Variants in CCDC197 observed in about 807,000 individuals in gnomAD.
The protein encoded by CCDC197 is uncharacterized protein CCDC197.
In CCDC197, 24 loss-of-function variants were observed where a neutral mutation model predicts 13.4. The observed-to-expected ratio is 1.80, with a 90% CI of 1.30 to 2.53. The LOEUF (loss-of-function observed/expected upper bound fraction) is 2.53. Ranked by LOEUF, CCDC197 falls within the 30% of genes most tolerant of loss-of-function variation. The pLI is 0.00. For synonymous variants in CCDC197, 99 were observed against 55.5 expected (o/e 1.78, Z -3.48); for missense variants, 255 against 148.8 (o/e 1.71, Z -3.71).
Position 93,998,182 on chromosome 14 carries a change from C to A in CCDC197, c.51C>A (p.Asp17Glu), listed in dbSNP as rs200003694. ...GAGCTGACCCAAGCAATCCTGGTGA[C>A]AAGGAAGGGGACCTTCAAGGGCTGT... is the stretch of plus-strand genomic sequence containing the variant. Reference protein sequence around the residue: ...GQRADPSNPGDKEGDLQGLWQ... With the variant: ...GQRADPSNPGEKEGDLQGLWQ... The change falls in exon 2 of 7, where the codon GAC becomes GAA. Residue 17 changes from aspartate (D) to glutamate (E), a missense_variant. Asp to Glu is a conservative substitution (Grantham distance 45). Coordinates refer to ENST00000636493, the MANE Select transcript of CCDC197 (RefSeq NM_001351596.2). 45 of 780,714 alleles carry A rather than the reference C, an allele frequency of 5.8e-5. No homozygotes were observed. Among genetic ancestry groups the A allele is most frequent in the Non-Finnish European group, 1.0e-4 (43 of 418,130 alleles). The allele number at this position is 780,714 out of a possible 1,614,324, so 48.4% of individuals were successfully genotyped here. A position where few individuals can be genotyped will look rare whatever the true frequency, so the allele number is the denominator to read the frequency against.
chr14:94,000,625 G>A (rs1393354863), intron 3 of CCDC197, among the ~76,000 whole-genome samples: 2 of 152,064 alleles, frequency 1.3e-5, no homozygotes, highest in Non-Finnish European at 2.9e-5. Flanking sequence ...GGAGGCTGGG[G>A]ATATATACTG....
chr14:94,009,260 A>T (rs1368817789), downstream of CCDC197, among the ~76,000 whole-genome samples: 1 of 152,140 alleles, frequency 6.6e-6, no homozygotes, highest in Non-Finnish European at 1.5e-5. Context: ...TGCAGAGCTA[A>T]TGGGGGTGCT....
chr14:94,002,034 G>A (rs1890529898), intron 4 of CCDC197, among the ~76,000 whole-genome samples: 1 of 152,214 alleles, frequency 6.6e-6, no homozygotes, highest in Non-Finnish European at 1.5e-5. Flanking sequence ...GATGGGCTGG[G>A]CACTGCGTGA....
chr14:93,988,458 A>G (rs1890143434), intron 1 of CCDC197, among the ~76,000 whole-genome samples: 1 of 45,416 alleles, frequency 2.2e-5, no homozygotes, highest in Non-Finnish European at 4.0e-5. Flanking sequence ...AGGAGATGGG[A>G]GGAGGGGATG....
At position 94,001,718 on chromosome 14, in the gene CCDC197, T is replaced by G. The variant is rs550050243; in HGVS notation, c.366+395T>G. ...TGCGAGGCACCAAACACAAACTGCC[T>G]CAAAGTAAGTGCCAGAGACATCATT... On this transcript the variant is annotated intron_variant, in intron 4 of 6. Transcript: ENST00000636493. 3.6e-5 allele frequency: 6 copies of G among 164,634 alleles called. No homozygotes were observed. The Admixed American group carries it at 3.8e-4, about 11-fold the overall frequency. 10.2% of individuals were successfully genotyped at this position (164,634 alleles called of 1,614,324 possible). A position where few individuals can be genotyped will look rare whatever the true frequency, so the allele number is the denominator to read the frequency against.
downstream of CCDC197, among the ~76,000 whole-genome samples, chr14:94,009,790 A>G (rs1229536206): frequency 1.3e-5 from 2 of 152,156 alleles, no homozygotes; most frequent in East Asian, 3.8e-4. Context: ...CTGACATTCT[A>G]GGTCAAGTTT....
rs1890605167 is a variant in CCDC197 at position 94,003,811 on chromosome 14, C to T, written c.498+457C>T. On this transcript the variant is annotated intron_variant, in intron 5 of 6. Coordinates refer to ENST00000636493, the MANE Select transcript of CCDC197 (RefSeq NM_001351596.2). The surrounding 1 kb of genome is among the most constrained non-coding windows in gnomAD (Gnocchi z 5.0). ...CGATGTTACTTCACAGATGGGAAAA[C>T]TGAGGCCACAGATATTTCAGGACAG... Among the ~76,000 whole-genome samples the T allele has an allele frequency of 6.6e-6, 1 of 152,184 alleles. No individual in the cohort carries two copies. Among genetic ancestry groups the T allele is most frequent in the Admixed American group, 6.5e-5 (1 of 15,288 alleles).
At chr14:94,001,064 C>T in intron 3 of CCDC197, 81 bp from the exon 4 acceptor site, 1 of 651,910 alleles carries the variant, frequency 1.5e-6, no homozygotes, top group South Asian at 1.8e-5. Flanking sequence ...TTTGTGGCCC[C>T]AGCTGGAATT....
chr14:94,002,247 C>CCT (rs1345497640), intron 4 of CCDC197, among the ~76,000 whole-genome samples: 1 of 151,562 alleles, frequency 6.6e-6, no homozygotes, highest in East Asian at 1.9e-4. Context: ...TCTTTCTTTC[C>CCT]CTCTCTCTCT....
Position 93,998,004 on chromosome 14 carries a change from G to T in CCDC197, c.-128G>T. 2 of 652,368 alleles carry T rather than the reference G, an allele frequency of 3.1e-6. No homozygotes were observed. 40.4% of individuals were successfully genotyped at this position (652,368 alleles called of 1,614,324 possible). On this transcript the variant is annotated 5_prime_UTR_variant, in exon 2 of 7. Transcript: ENST00000636493. Reference sequence around the variant, plus strand: ...TCTGTCTCCTTTTCTGTGAGGTGGGGATGCTAACCCTGGCTTCCAAGGATC... The same window carrying T: ...TCTGTCTCCTTTTCTGTGAGGTGGGTATGCTAACCCTGGCTTCCAAGGATC...
chr14:94,005,101 AT>A (rs1267709210), intron 6 of CCDC197, 130 bp downstream of exon 6: 1 of 606,506 alleles, frequency 1.6e-6, no homozygotes, highest in Admixed American at 2.7e-5. Flanking sequence ...CCATAGCTAC[AT>A]TGGTGCCTGG....
chr14:93,997,119 C>G (rs1310002995), upstream of CCDC197: 1 of 152,300 alleles, frequency 6.6e-6, no homozygotes, highest in African/African-American at 2.4e-5. Flanking sequence ...TGCCAGTGCC[C>G]TTTCTCCCCA....
intron 6 of CCDC197, among the ~76,000 whole-genome samples, chr14:94,005,669 T>C (rs1160666505): frequency 1.3e-5 from 2 of 152,266 alleles, no homozygotes; most frequent in Non-Finnish European, 1.5e-5. Flanking sequence ...GTTTTCAGTA[T>C]AGTCAAAATT....
At chr14:94,010,542 G>A (rs1017273550), downstream of CCDC197, among the ~76,000 whole-genome samples, 6 of 152,208 alleles carry the variant, frequency 3.9e-5, no homozygotes, top group Non-Finnish European at 7.4e-5. Flanking sequence ...GGAGGGAGCC[G>A]CTGTTCCGAG....
chr14:94,006,156 C>T (rs541981995), intron 6 of CCDC197, among the ~76,000 whole-genome samples: 1 of 152,288 alleles, frequency 6.6e-6, no homozygotes, highest in African/African-American at 2.4e-5. Context: ...ACATCCTTGC[C>T]AACATTTGCT....
At chr14:93,988,025 T>G (rs1595345537) in intron 1 of CCDC197, among the ~76,000 whole-genome samples, 3 of 62,380 alleles carry the variant, frequency 4.8e-5, no homozygotes, top group Non-Finnish European at 6.0e-5. Flanking sequence ...AGAGGAGGGG[T>G]GAGGCCAGAG....
intron 2 of CCDC197, 70 bp downstream of exon 2, chr14:93,998,305 T>A: frequency 1.4e-6 from 1 of 736,500 alleles, no homozygotes; most frequent in Non-Finnish European, 2.5e-6. Context: ...TGGCTGGACT[T>A]AGCAAACATG....
upstream of CCDC197, among the ~76,000 whole-genome samples, chr14:93,995,735 C>T (rs891341090): frequency 1.3e-5 from 2 of 152,074 alleles, no homozygotes; most frequent in South Asian, 2.1e-4. Flanking sequence ...GAGTTCCTGC[C>T]GCATGGATCT....
intron 1 of CCDC197, among the ~76,000 whole-genome samples, chr14:93,990,880 C>T (rs1233457402): frequency 6.6e-6 from 1 of 152,192 alleles, no homozygotes; most frequent in Non-Finnish European, 1.5e-5. Context: ...CGTATACCAG[C>T]TAATTTCATC....
Sources: gnomAD v4.1 joint callset for allele counts (sites outside exome capture counted in the v4.1 genomes callset) on GRCh38, gnomAD v4.1.1 for gene constraint, Gnocchi (gnomAD v3.1) non-coding constraint, MANE v1.5 for transcripts, NCBI Gene and HGNC (gene_info 2026-07-23, HGNC 2026-07-21) for gene names.